Variants in STOML1 observed in about 807,000 individuals in gnomAD.
The protein encoded by STOML1 is stomatin-like protein 1.
STOML1 carries 27 observed loss-of-function variants against 35.7 expected under a neutral mutation model. That is an observed-to-expected ratio of 0.76 (90% CI 0.56 to 1.04). The LOEUF (loss-of-function observed/expected upper bound fraction) is 1.04, where lower values mean the gene tolerates loss of function less well. Ranked by LOEUF, STOML1 falls within the 50% of genes least tolerant of loss-of-function variation. STOML1 has a pLI of 0.00. For missense variants in STOML1, 451 were observed against 527.1 expected (o/e 0.86, Z 1.41); for synonymous variants, 219 against 227.9 (o/e 0.96, Z 0.35).
chr15:73,983,906 G>A lies in STOML1; in HGVS notation c.*31C>T, dbSNP rs774412171. ...CCCCTCAGGCTTGGTGCCAGGCTTG[G>A]GACTGGGCTCTGGAAAGTCAGCCAA... On this transcript the variant is annotated 3_prime_UTR_variant, in exon 7 of 7. Coordinates refer to ENST00000541638, the MANE Select transcript of STOML1 (RefSeq NM_004809.5). 1.5e-5 allele frequency: 24 copies of A among 1,596,786 alleles called. No individual in the cohort carries two copies. Among genetic ancestry groups the A allele is most frequent in the Non-Finnish European group, 2.1e-5 (24 of 1,168,976 alleles).
In STOML1 at chr15:73,992,090, C is replaced by G. The variant is rs1475183410; in HGVS notation, c.133+1G>C. 1 of 1,584,814 alleles carries G rather than the reference C, an allele frequency of 6.3e-7. No individual in the cohort carries two copies. Among genetic ancestry groups the G allele is most frequent in the South Asian group, 1.1e-5 (1 of 88,656 alleles). ...CTCCGCCGTGCCAGGCGGCCACTCA[C>G]CGGCCCCTGTCCCCACGCCGCCCCG... On this transcript the variant is annotated splice_donor_variant, in intron 1 of 6. Transcript: ENST00000541638. LOFTEE classifies it high-confidence loss of function.
rs1196226042 is a variant in STOML1 at position 73,982,963 on chromosome 15, ACT to A, written c.*972_*973del. On this transcript the variant is annotated 3_prime_UTR_variant, in exon 7 of 7. Transcript: ENST00000541638. ...ACCTGCCCCTCAGTGTTTGCAGGAC[ACT>A]CTGGCACACTCATGCCTTCCTTTCC... 6.6e-6 allele frequency: 1 copy of A among 152,022 alleles called. No homozygotes were observed. Among genetic ancestry groups the A allele is most frequent in the Non-Finnish European group, 1.5e-5 (1 of 68,016 alleles). 9.4% of individuals were successfully genotyped at this position (152,022 alleles called of 1,614,324 possible).
rs1317801521 is a variant in STOML1, at chr15:73,979,443, C to T, written c.*4494G>A. ...CTCAACTCACTGCAACTTCCACCTC[C>T]TGGGTTCAAGCAATTCTCCTGTCTC... On this transcript the variant is annotated 3_prime_UTR_variant, in exon 7 of 7. Transcript: ENST00000541638. The T allele has an allele frequency of 1.3e-5, 2 of 152,204 alleles. No homozygotes were observed. Among genetic ancestry groups the T allele is most frequent in the East Asian group, 3.9e-4 (2 of 5,190 alleles). 9.4% of individuals were successfully genotyped at this position (152,204 alleles called of 1,614,324 possible).
chr15:73,989,127 A>G lies in STOML1; in HGVS notation c.371T>C (p.Phe124Ser), dbSNP rs778929313. The G allele has an allele frequency of 6.2e-7, 1 of 1,603,546 alleles. No individual in the cohort carries two copies. Among genetic ancestry groups the G allele is most frequent in the South Asian group, 1.1e-5 (1 of 89,998 alleles). The change falls in exon 3 of 7, where the codon TTC (phenylalanine) becomes TCC (serine). Residue 124 changes from phenylalanine to serine, a missense_variant. Physicochemically the swap from Phe to Ser is radical, Grantham distance 155. Coordinates refer to ENST00000541638, the MANE Select transcript of STOML1 (RefSeq NM_004809.5). ...FQRVDLRTRAFNVPPCKLASK... is the reference protein window; with the variant it reads ...FQRVDLRTRASNVPPCKLASK... ...CCTCACCTTGCAGGGAGGGACGTTG[A>G]AGGCTCGTGTCCTCAGATCCACCCT...
At chr15:73,990,945 C>A in intron 1 of STOML1, 1 of 1,494,670 alleles carries the variant, frequency 6.7e-7, no homozygotes, top group Non-Finnish European at 8.9e-7. Context: ...GATGCCTTAG[C>A]CTACAGGGAT....
chr15:73,990,144 C>T, intron 2 of STOML1: 1 of 549,038 alleles, frequency 1.8e-6, no homozygotes, highest in Admixed American at 3.2e-5. Flanking sequence ...GCTTCTACCC[C>T]CTACTGGCTC....
rs1437863180 is a variant in STOML1, at chr15:73,983,594, C to G, written c.*343G>C. On this transcript the variant is annotated 3_prime_UTR_variant, in exon 7 of 7. Coordinates refer to ENST00000541638, the MANE Select transcript of STOML1 (RefSeq NM_004809.5). The stretch of plus-strand genomic sequence containing the variant: ...CCTCACACAAGGACCAAACCAGCTG[C>G]TGTCAGGCTGTTTCTGTGGGTCCTG... The G allele has an allele frequency of 4.4e-6, 1 of 229,368 alleles. No homozygotes were observed. The highest frequency in any genetic ancestry group is 2.3e-5 in the African/African-American group (1 of 44,150). 14.2% of individuals were successfully genotyped at this position (229,368 alleles called of 1,614,324 possible).
At position 73,983,710 on chromosome 15, in the gene STOML1, C is replaced by T. The variant is rs984781979; in HGVS notation, c.*227G>A. On this transcript the variant is annotated 3_prime_UTR_variant, in exon 7 of 7. Transcript: ENST00000541638. ...ACCCAGCTCAGCGCTGGGCACTCAG[C>T]TGGGGACCGGGATGGACAAAGCCTT... The T allele has an allele frequency of 2.0e-5, 10 of 498,562 alleles. No homozygotes were observed. The highest frequency in any genetic ancestry group is 3.2e-5 in the Non-Finnish European group (9 of 282,562). The allele number at this position is 498,562 out of a possible 1,614,324, so 30.9% of individuals were successfully genotyped here. A position where few individuals can be genotyped will look rare whatever the true frequency, so the allele number is the denominator to read the frequency against.
At chr15:73,991,891 G>A (rs2069287915) in intron 1 of STOML1, 200 bp downstream of exon 1, 2 of 824,758 alleles carry the variant, frequency 2.4e-6, no homozygotes, top group Non-Finnish European at 1.8e-6. Context: ...TGGGGCCAAA[G>A]CCCCATGACC....
rs74026326 is a variant in STOML1 at position 73,988,938 on chromosome 15, T to C, written c.391-136A>G. The C allele has an allele frequency of 2.2e-3, 3,118 of 1,418,502 alleles. 64 individuals carry two copies. The African/African-American group carries it at 0.039, about 18-fold the overall frequency. 87.9% of individuals were successfully genotyped at this position (1,418,502 alleles called of 1,614,324 possible). The stretch of plus-strand genomic sequence containing the variant: ...AGGGCAAATGGTGTCACCAAGTATG[T>C]AGGGTTAGGTGTATGAAGCAAGGAT... On this transcript the variant is annotated intron_variant, in intron 3 of 6. Coordinates refer to ENST00000541638, the MANE Select transcript of STOML1 (RefSeq NM_004809.5). This position sits in a 1 kb window ranked among gnomAD's most constrained non-coding sequence, Gnocchi z 4.8.
In STOML1 at chr15:73,980,182, C is replaced by T. The variant is rs2068946013; in HGVS notation, c.*3755G>A. On this transcript the variant is annotated 3_prime_UTR_variant, in exon 7 of 7. Coordinates refer to ENST00000541638, the MANE Select transcript of STOML1 (RefSeq NM_004809.5). ...TTGACATGACTATGAGAAAAAAACA[C>T]CACTGACAATGGGAGTGTAAATTGG... The T allele has an allele frequency of 6.6e-6, 1 of 152,084 alleles. No individual in the cohort carries two copies. Among genetic ancestry groups the T allele is most frequent in the South Asian group, 2.1e-4 (1 of 4,822 alleles). 9.4% of individuals were successfully genotyped at this position (152,084 alleles called of 1,614,324 possible). A position where few individuals can be genotyped will look rare whatever the true frequency, so the allele number is the denominator to read the frequency against.
At chr15:73,985,238 G>T in intron 5 of STOML1, 80 bp downstream of exon 5, 1 of 1,430,006 alleles carries the variant, frequency 7.0e-7, no homozygotes, top group Non-Finnish European at 9.3e-7. Context: ...GTACTGCACA[G>T]AGCTGCTGGG....
rs1399612176 is a variant in STOML1 at position 73,981,373 on chromosome 15, T to A, written c.*2564A>T. ...TGTTTCAAAAAAAAATAAAATACTT[T>A]TCAATAACATCAAAATAACACATTA... On this transcript the variant is annotated 3_prime_UTR_variant, in exon 7 of 7. Transcript: ENST00000541638. The A allele has an allele frequency of 3.3e-5, 5 of 152,074 alleles. No homozygotes were observed. The highest frequency in any genetic ancestry group is 3.3e-4 in the Admixed American group (5 of 15,250). 9.4% of individuals were successfully genotyped at this position (152,074 alleles called of 1,614,324 possible). A position where few individuals can be genotyped will look rare whatever the true frequency, so the allele number is the denominator to read the frequency against.
In STOML1 at chr15:73,981,382, A is replaced by G. The variant is rs2068958499; in HGVS notation, c.*2555T>C. On this transcript the variant is annotated 3_prime_UTR_variant, in exon 7 of 7. Coordinates refer to ENST00000541638, the MANE Select transcript of STOML1 (RefSeq NM_004809.5). ...AAAAAATAAAATACTTTTCAATAAC[A>G]TCAAAATAACACATTATATATTAAT... 1.3e-5 allele frequency: 2 copies of G among 152,168 alleles called. No individual in the cohort carries two copies. Among genetic ancestry groups the G allele is most frequent in the East Asian group, 1.9e-4 (1 of 5,200 alleles). 9.4% of individuals were successfully genotyped at this position (152,168 alleles called of 1,614,324 possible).
chr15:73,978,982 T>G lies in STOML1; in HGVS notation c.*4955A>C, dbSNP rs2141654724. On this transcript the variant is annotated 3_prime_UTR_variant, in exon 7 of 7. Transcript: ENST00000541638. ...CCAAACCTGAAAACTACTCAAATGTTCATCAATGGATGAATGAATACATTG... is the reference window on the plus strand; with the variant it reads ...CCAAACCTGAAAACTACTCAAATGTGCATCAATGGATGAATGAATACATTG... 6.6e-6 allele frequency: 1 copy of G among 152,330 alleles called. No homozygotes were observed. The highest frequency in any genetic ancestry group is 2.1e-4 in the South Asian group (1 of 4,828). 9.4% of individuals were successfully genotyped at this position (152,330 alleles called of 1,614,324 possible).
intron 2 of STOML1, among the ~76,000 whole-genome samples, chr15:73,989,866 C>T (rs1487347113): frequency 6.6e-6 from 1 of 152,186 alleles, no homozygotes; most frequent in African/African-American, 2.4e-5. Flanking sequence ...CCTAGGGCTA[C>T]ACAAAGGGCA....
intron 2 of STOML1, 123 bp from the exon 3 acceptor site, chr15:73,989,380 C>T (rs981960727): frequency 8.4e-7 from 1 of 1,193,798 alleles, no homozygotes; most frequent in African/African-American, 1.5e-5. Context: ...ATCCCTAGCA[C>T]TGTTTCCAGA....
chr15:73,989,507 T>C (rs734854), intron 2 of STOML1, among the ~76,000 whole-genome samples: 96,844 of 152,118 alleles, frequency 0.64, 30,914 homozygotes, highest in African/African-American at 0.65. Context: ...GTGTCTTAAC[T>C]ACTGCACTGT....
upstream of STOML1, among the ~76,000 whole-genome samples, chr15:73,993,541 G>A (rs2069348038): frequency 6.6e-6 from 1 of 152,164 alleles, no homozygotes; most frequent in African/African-American, 2.4e-5. Flanking sequence ...GGAGGGAAGG[G>A]CAGGCTCCTG....
Sources: gnomAD v4.1 joint callset for allele counts (sites outside exome capture counted in the v4.1 genomes callset) on GRCh38, gnomAD v4.1.1 for gene constraint, Gnocchi (gnomAD v3.1) non-coding constraint, MANE v1.5 for transcripts, NCBI Gene and HGNC (gene_info 2026-07-23, HGNC 2026-07-21) for gene names.